Variants in GPC5 observed in about 807,000 individuals in gnomAD.
GPC5 encodes glypican 5, also known as glypican-5.
Under a neutral mutation model 53.9 loss-of-function variants are expected in GPC5, and 47 were observed. That is an observed-to-expected ratio of 0.87 (90% confidence interval 0.69 to 1.11). The LOEUF (loss-of-function observed/expected upper bound fraction) is 1.11. Among genes scored for constraint, GPC5 ranks in the 50% most tolerant of loss-of-function variants. The pLI is 0.00. For missense variants in GPC5, 748 were observed against 713.1 expected (o/e 1.05, Z -0.56); for synonymous variants, 286 against 263.3 (o/e 1.09, Z -0.84).
chr13:91,625,190 G>T (rs2033966585), intron 2 of GPC5, among the ~76,000 whole-genome samples: 1 of 150,336 alleles, frequency 6.7e-6, no homozygotes, highest in Non-Finnish European at 1.5e-5. Flanking sequence ...AGAGATTGAT[G>T]ACATAAGGAA....
intron 2 of GPC5, among the ~76,000 whole-genome samples, chr13:91,489,970 GA>G (rs1883843796): frequency 1.3e-5 from 2 of 152,220 alleles, no homozygotes; most frequent in Admixed American, 1.3e-4. Context: ...GAAAAAGGCG[GA>G]GGGGGGAGTG....
At chr13:92,613,695 A>T (rs1049966534) in intron 7 of GPC5, among the ~76,000 whole-genome samples, 1 of 138,488 alleles carries the variant, frequency 7.2e-6, no homozygotes. Flanking sequence ...TAATATATAT[A>T]TTATATATAT....
At chr13:92,699,527 C>T (rs1429824167) in intron 7 of GPC5, among the ~76,000 whole-genome samples, 1 of 152,096 alleles carries the variant, frequency 6.6e-6, no homozygotes, top group Non-Finnish European at 1.5e-5. Context: ...GTTAGGGTGG[C>T]GATTTTAGAT....
At chr13:91,865,065 C>A (rs1399791251) in intron 5 of GPC5, among the ~76,000 whole-genome samples, 2 of 151,996 alleles carry the variant, frequency 1.3e-5, no homozygotes, top group Admixed American at 1.3e-4. Flanking sequence ...GCATGTGACA[C>A]CACACCCGGC....
At chr13:92,622,528 T>C (rs1350473988) in intron 7 of GPC5, among the ~76,000 whole-genome samples, 5 of 152,172 alleles carry the variant, frequency 3.3e-5, no homozygotes, top group Non-Finnish European at 5.9e-5. Flanking sequence ...TACTCTCCTA[T>C]GCTACTCTCT....
At chr13:92,391,025 A>G (rs1368946547) in intron 7 of GPC5, among the ~76,000 whole-genome samples, 1 of 152,112 alleles carries the variant, frequency 6.6e-6, no homozygotes, top group Non-Finnish European at 1.5e-5. Context: ...CAAGAAATTA[A>G]TGTTCATTTA....
In GPC5 at chr13:91,633,763, C is replaced by T. The variant is rs190880245; in HGVS notation, c.326-59424C>T. On this transcript the variant is annotated intron_variant, in intron 2 of 7. Transcript: ENST00000377067. Reference sequence around the variant, plus strand: ...GGCAAAGAATCTTCCTTTCCTTGGGCTACATGTAACCATGAGGAATGAAAT... The same window carrying T: ...GGCAAAGAATCTTCCTTTCCTTGGGTTACATGTAACCATGAGGAATGAAAT... Among the ~76,000 whole-genome samples, 298 of 152,216 alleles carry T rather than the reference C, an allele frequency of 2.0e-3. 2 individuals carry two copies. The highest frequency in any genetic ancestry group is 6.7e-3 in the African/African-American group (278 of 41,558).
At chr13:91,892,397 A>ATT (rs1039772733) in intron 5 of GPC5, among the ~76,000 whole-genome samples, 125 of 151,838 alleles carry the variant, frequency 8.2e-4, no homozygotes, top group African/African-American at 2.9e-3. Flanking sequence ...ATTTAGAAAC[A>ATT]ACCTTTAAAT....
At chr13:91,758,938 C>A (rs1388798452) in intron 5 of GPC5, among the ~76,000 whole-genome samples, 1 of 152,102 alleles carries the variant, frequency 6.6e-6, no homozygotes, top group East Asian at 1.9e-4. Flanking sequence ...GGTCCCCAAC[C>A]TACTCCTGTG....
intron 7 of GPC5, among the ~76,000 whole-genome samples, chr13:92,701,953 A>C (rs1454960774): frequency 6.6e-6 from 1 of 152,108 alleles, no homozygotes; most frequent in Non-Finnish European, 1.5e-5. Context: ...AGGGGACAGG[A>C]TAGGACTTAA....
intron 5 of GPC5, among the ~76,000 whole-genome samples, chr13:91,766,175 C>T (rs958160218): frequency 2.6e-5 from 4 of 152,152 alleles, no homozygotes; most frequent in Non-Finnish European, 5.9e-5. Flanking sequence ...GAATAGTTTA[C>T]AAAATCTTTC....
chr13:92,864,969 C>G (rs1879295340), intron 7 of GPC5, among the ~76,000 whole-genome samples: 1 of 151,970 alleles, frequency 6.6e-6, no homozygotes, highest in South Asian at 2.1e-4. Flanking sequence ...GCTGTAGTAA[C>G]AATGAATTTA....
In GPC5 at chr13:91,419,363, A is replaced by G. The variant is rs9589223; in HGVS notation, c.163+20154A>G. 7.4e-3 allele frequency among the ~76,000 whole-genome samples: 1,133 copies of G among 152,328 alleles called. 20 individuals are homozygous for G. The South Asian group carries it at 0.079, about 11-fold the overall frequency. ...TAGTAAAAATAATATGGAATTAGTT[A>G]TAAGGTTAGGACACAAAATACACGT... On this transcript the variant is annotated intron_variant, in intron 1 of 7. Coordinates refer to ENST00000377067, the MANE Select transcript of GPC5 (RefSeq NM_004466.6).
intron 7 of GPC5, among the ~76,000 whole-genome samples, chr13:92,813,681 T>C (rs1420623896): frequency 1.3e-5 from 2 of 152,010 alleles, no homozygotes; most frequent in African/African-American, 4.8e-5. Flanking sequence ...GTAGTATTCT[T>C]TACCAAAAAT....
intron 7 of GPC5, among the ~76,000 whole-genome samples, chr13:92,356,149 C>A (rs1371992985): frequency 6.6e-6 from 1 of 152,112 alleles, no homozygotes; most frequent in Non-Finnish European, 1.5e-5. Flanking sequence ...AATGTATTAA[C>A]AATTTAATTT....
chr13:92,734,825 A>G (rs1420532117), intron 7 of GPC5, among the ~76,000 whole-genome samples: 1 of 151,922 alleles, frequency 6.6e-6, no homozygotes, highest in Non-Finnish European at 1.5e-5. Context: ...CTTCGATTCC[A>G]ACACAAATAC....
intron 6 of GPC5, among the ~76,000 whole-genome samples, chr13:92,089,235 C>T (rs554380876): frequency 5.8e-4 from 88 of 152,304 alleles, no homozygotes; most frequent in African/African-American, 2.1e-3. Flanking sequence ...GAGATGGAGA[C>T]TATCCTGGCT....
chr13:92,194,488 A>G (rs550436765), intron 7 of GPC5, among the ~76,000 whole-genome samples: 2 of 152,356 alleles, frequency 1.3e-5, no homozygotes, highest in East Asian at 3.9e-4. Flanking sequence ...GCTAGGCTAC[A>G]GAGATGCCAT....
chr13:92,552,136 T>C (rs9301819), intron 7 of GPC5, among the ~76,000 whole-genome samples: 24,285 of 151,832 alleles, frequency 0.16, 2,525 homozygotes, highest in Non-Finnish European at 0.23. Context: ...AAAACCATCG[T>C]GGAAATACTA....
Sources: gnomAD v4.1 joint callset for allele counts (sites outside exome capture counted in the v4.1 genomes callset) on GRCh38, gnomAD v4.1.1 for gene constraint, MANE v1.5 for transcripts, NCBI Gene and HGNC (gene_info 2026-07-23, HGNC 2026-07-21) for gene names.